Variants in FNDC3B observed in about 807,000 individuals in gnomAD.
FNDC3B encodes the protein fibronectin type III domain-containing protein 3B.
A neutral mutation model predicts 151.5 loss-of-function variants in FNDC3B; 12 were observed. The ratio of observed to expected loss-of-function variants is 0.08; its 90% CI spans 0.05 to 0.13. The LOEUF (loss-of-function observed/expected upper bound fraction) is 0.13. Ranked by LOEUF, FNDC3B falls within the 10% of genes least tolerant of loss-of-function variation. The pLI, the probability that FNDC3B is intolerant of heterozygous loss-of-function variation, is 1.00. For synonymous variants in FNDC3B, 528 were observed against 549.0 expected (o/e 0.96, Z 0.54); for missense variants, 1,214 against 1,505.3 (o/e 0.81, Z 3.20).
intron 22 of FNDC3B, among the ~76,000 whole-genome samples, chr3:172,361,240 C>A (rs554534801): frequency 2.6e-5 from 4 of 152,210 alleles, no homozygotes; most frequent in African/African-American, 9.6e-5. Flanking sequence ...TGCATTGATT[C>A]TTCTCCTGAA....
At chr3:172,090,238 T>G (rs891843947) in intron 1 of FNDC3B, among the ~76,000 whole-genome samples, 3 of 152,176 alleles carry the variant, frequency 2.0e-5, no homozygotes, top group Non-Finnish European at 2.9e-5. Context: ...CTTGGTGCTT[T>G]TTTCTAACCA....
intron 1 of FNDC3B, among the ~76,000 whole-genome samples, chr3:172,062,252 T>A (rs1717239297): frequency 2.0e-5 from 3 of 152,020 alleles, no homozygotes; most frequent in Non-Finnish European, 1.5e-5. Context: ...TTGCCTCCTT[T>A]CTTCCTGCCC....
chr3:172,266,648 A>G (rs941979710), intron 6 of FNDC3B, among the ~76,000 whole-genome samples: 2 of 152,158 alleles, frequency 1.3e-5, no homozygotes, highest in African/African-American at 4.8e-5. Context: ...CCTCAGGTGG[A>G]TGCTGGCACT....
intron 3 of FNDC3B, among the ~76,000 whole-genome samples, chr3:172,139,192 T>G (rs2108582534): frequency 6.6e-6 from 1 of 152,300 alleles, no homozygotes; most frequent in African/African-American, 2.4e-5. Flanking sequence ...TTTCCTTATA[T>G]GATACTTTAA....
chr3:172,240,335 A>T (rs888523472), intron 4 of FNDC3B, among the ~76,000 whole-genome samples: 5 of 152,220 alleles, frequency 3.3e-5, no homozygotes, highest in African/African-American at 4.8e-5. Flanking sequence ...GAGTGGTAAC[A>T]TTAATAGTAG....
Position 172,158,249 on chromosome 3 carries a change from G to A in FNDC3B, c.187+24703G>A, listed in dbSNP as rs141400756. On this transcript the variant is annotated intron_variant, in intron 3 of 25. Transcript: ENST00000415807. ...GCCTATTATTATAATTGAATGTTTC[G>A]TTTTATAAGAAACTGACAAAATTTT... is the stretch of plus-strand genomic sequence containing the variant. Among the ~76,000 whole-genome samples, 473 of 152,220 alleles carry A rather than the reference G, an allele frequency of 3.1e-3. 2 individuals are homozygous for A. Among genetic ancestry groups the A allele is most frequent in the African/African-American group, 0.01 (428 of 41,538 alleles).
intron 3 of FNDC3B, among the ~76,000 whole-genome samples, chr3:172,144,578 G>A (rs1249604807): frequency 1.3e-5 from 2 of 152,296 alleles, no homozygotes; most frequent in East Asian, 1.9e-4. Context: ...TTTCCCTAAG[G>A]TAGATGAACT....
intron 6 of FNDC3B, among the ~76,000 whole-genome samples, chr3:172,278,146 C>A (rs1729527808): frequency 6.6e-6 from 1 of 152,158 alleles, no homozygotes; most frequent in Non-Finnish European, 1.5e-5. Flanking sequence ...AGGAGATATA[C>A]ATATTAAAAT....
chr3:172,340,038 G>T (rs759905508), intron 16 of FNDC3B, among the ~76,000 whole-genome samples: 9 of 152,208 alleles, frequency 5.9e-5, no homozygotes, highest in Non-Finnish European at 1.3e-4. Context: ...CTTTTGTAAA[G>T]TGGTCAACTG....
intron 1 of FNDC3B, among the ~76,000 whole-genome samples, chr3:172,083,979 AT>A (rs879737542): frequency 2.1e-4 from 32 of 150,538 alleles, no homozygotes; most frequent in Middle Eastern, 3.4e-3. Flanking sequence ...AGTAAAGGAA[AT>A]TTTTTTTTTC....
At chr3:172,066,043 T>C (rs1189242942) in intron 1 of FNDC3B, among the ~76,000 whole-genome samples, 1 of 152,200 alleles carries the variant, frequency 6.6e-6, no homozygotes, top group Non-Finnish European at 1.5e-5. Flanking sequence ...AATGTAGAGA[T>C]ACACCAAGAC....
chr3:172,251,671 A>G, intron 6 of FNDC3B, 130 bp downstream of exon 6: 1 of 773,538 alleles, frequency 1.3e-6, no homozygotes, highest in East Asian at 2.7e-5. Context: ...ATTTGAGTAG[A>G]CCTTCTTTGA....
At chr3:172,261,372 G>A (rs1273697750) in intron 6 of FNDC3B, among the ~76,000 whole-genome samples, 1 of 152,184 alleles carries the variant, frequency 6.6e-6, no homozygotes, top group Non-Finnish European at 1.5e-5. Context: ...GTGGAATGGA[G>A]CTCTAGGATC....
chr3:172,233,527 A>G (rs1034848662), intron 4 of FNDC3B, among the ~76,000 whole-genome samples: 1 of 152,186 alleles, frequency 6.6e-6, no homozygotes, highest in African/African-American at 2.4e-5. Context: ...CAGAAAGCAG[A>G]CACCTCTGTG....
At chr3:172,042,284 A>G (rs1716125678) in intron 1 of FNDC3B, among the ~76,000 whole-genome samples, 2 of 152,176 alleles carry the variant, frequency 1.3e-5, no homozygotes, top group African/African-American at 4.8e-5. Context: ...CGGTTTCTTG[A>G]AGAATGCTTG....
chr3:172,081,274 C>T (rs1330597941), intron 1 of FNDC3B, among the ~76,000 whole-genome samples: 2 of 152,076 alleles, frequency 1.3e-5, no homozygotes, highest in East Asian at 3.8e-4. Context: ...ACTGTTTTCT[C>T]CATTAATCAG....
In FNDC3B at chr3:172,344,074, C is replaced by A. The variant is rs1489653677; in HGVS notation, c.2078-12C>A. The A allele has an allele frequency of 1.9e-6, 3 of 1,600,338 alleles. No homozygotes were observed. Among genetic ancestry groups the A allele is most frequent in the Admixed American group, 3.5e-5 (2 of 57,916 alleles). ...AAAGTGTTCTAAGATGAAAAAAATT[C>A]TTCATTCCCAGATGTTCCTGCATCG... On this transcript the variant is annotated splice_polypyrimidine_tract_variant and intron_variant, in intron 18 of 25. Transcript: ENST00000415807.
chr3:172,071,035 A>C (rs1290176454), intron 1 of FNDC3B, among the ~76,000 whole-genome samples: 1 of 152,172 alleles, frequency 6.6e-6, no homozygotes, highest in Non-Finnish European at 1.5e-5. Flanking sequence ...TGGCTGACAA[A>C]ATTTTTTTTC....
At chr3:172,198,611 A>C (rs1184439895) in intron 3 of FNDC3B, among the ~76,000 whole-genome samples, 1 of 152,134 alleles carries the variant, frequency 6.6e-6, no homozygotes, top group African/African-American at 2.4e-5. Flanking sequence ...CTGATACCTG[A>C]TGTCAGACTG....
Sources: gnomAD v4.1 joint callset for allele counts (sites outside exome capture counted in the v4.1 genomes callset) on GRCh38, gnomAD v4.1.1 for gene constraint, MANE v1.5 for transcripts, NCBI Gene and HGNC (gene_info 2026-07-23, HGNC 2026-07-21) for gene names.